The following MIPOL1 variants were observed in gnomAD, a reference collection of about 807,000 sequenced individuals.
MIPOL1 encodes mirror-image polydactyly gene 1 protein.
A neutral mutation model predicts 60.9 loss-of-function variants in MIPOL1; 57 were observed. The observed-to-expected ratio is 0.94, with a 90% CI of 0.76 to 1.17. MIPOL1 has a LOEUF of 1.17. Among genes scored for constraint, MIPOL1 ranks in the 50% most tolerant of loss-of-function variants. The pLI, the probability that MIPOL1 is intolerant of heterozygous loss-of-function variation, is 0.00. For synonymous variants in MIPOL1, 179 were observed against 168.8 expected, an observed-to-expected ratio of 1.06 and a Z score of -0.47; for missense variants, 551 against 511.6, an observed-to-expected ratio of 1.08 and a Z score of -0.74.
chr14:37,222,495 C>CTGCCAGATATCTTAGTGCATTGAGCT (rs1968981704), intron 1 of MIPOL1, among the ~76,000 whole-genome samples: 1 of 151,076 alleles, frequency 6.6e-6, no homozygotes, highest in Non-Finnish European at 1.5e-5. Flanking sequence ...GAAATTTCTT[C>CTGCCAGATATCTTAGTGCATTGAGCT]TGCCAGATAT....
intron 6 of MIPOL1, among the ~76,000 whole-genome samples, chr14:37,282,506 A>G (rs2084196559): frequency 6.6e-6 from 1 of 151,956 alleles, no homozygotes; most frequent in South Asian, 2.1e-4. Flanking sequence ...TTGGTAGGCC[A>G]AGGTGGGAGA....
chr14:37,462,741 T>C (rs1407147024), intron 11 of MIPOL1, among the ~76,000 whole-genome samples: 1 of 152,174 alleles, frequency 6.6e-6, no homozygotes, highest in Non-Finnish European at 1.5e-5. Context: ...AGTCGCTTTA[T>C]TAAAACATAA....
intron 1 of MIPOL1, among the ~76,000 whole-genome samples, chr14:37,244,931 T>A (rs1308836968): frequency 6.6e-6 from 1 of 152,174 alleles, no homozygotes; most frequent in Non-Finnish European, 1.5e-5. Context: ...TTTGAAACAT[T>A]AAAACATCTA....
chr14:37,318,808 T>TTAG (rs1567445419), intron 9 of MIPOL1, among the ~76,000 whole-genome samples: 39 of 83,684 alleles, frequency 4.7e-4, no homozygotes, highest in East Asian at 2.2e-3. Flanking sequence ...TATTTATTTA[T>TTAG]TTATTTATTT....
chr14:37,330,003 A>G (rs1200996085), intron 9 of MIPOL1, among the ~76,000 whole-genome samples: 2 of 136,056 alleles, frequency 1.5e-5, no homozygotes, highest in Non-Finnish European at 3.1e-5. Context: ...AAAACACCAC[A>G]TCCTAGTAGT....
intron 11 of MIPOL1, among the ~76,000 whole-genome samples, chr14:37,491,813 C>T (rs1451709839): frequency 1.3e-5 from 2 of 152,078 alleles, no homozygotes; most frequent in Non-Finnish European, 2.9e-5. Flanking sequence ...TTAAACTAAA[C>T]CAACTGCAGC....
At chr14:37,365,717 C>T (rs2092449217) in intron 9 of MIPOL1, among the ~76,000 whole-genome samples, 2 of 151,966 alleles carry the variant, frequency 1.3e-5, no homozygotes, top group South Asian at 4.2e-4. Context: ...TAATACTGGC[C>T]TTGTAGAATG....
intron 12 of MIPOL1, among the ~76,000 whole-genome samples, chr14:37,534,734 A>G (rs2095498289): frequency 6.6e-6 from 1 of 152,156 alleles, no homozygotes; most frequent in African/African-American, 2.4e-5. Context: ...ATCACTTTCT[A>G]ATGTTGTTAG....
intron 11 of MIPOL1, among the ~76,000 whole-genome samples, chr14:37,485,005 C>G (rs934401416): frequency 2.0e-5 from 3 of 152,118 alleles, no homozygotes; most frequent in Admixed American, 6.6e-5. Flanking sequence ...CCCTCCACCC[C>G]CTGACAAGCC....
chr14:37,296,927 A>C (rs1460482215), intron 7 of MIPOL1, among the ~76,000 whole-genome samples: 2 of 152,222 alleles, frequency 1.3e-5, no homozygotes, highest in East Asian at 3.9e-4. Context: ...TCAATAGAAA[A>C]AGAGGGAATC....
chr14:37,513,970 G>A (rs1449461364), intron 12 of MIPOL1, among the ~76,000 whole-genome samples: 1 of 152,114 alleles, frequency 6.6e-6, no homozygotes. Flanking sequence ...ATTAATGCCA[G>A]TACTACAGTG....
At chr14:37,426,863 T>C (rs1595727506) in intron 11 of MIPOL1, among the ~76,000 whole-genome samples, 1 of 152,018 alleles carries the variant, frequency 6.6e-6, no homozygotes, top group East Asian at 1.9e-4. Context: ...TGGAAGAATG[T>C]TTGGTATCCA....
intron 10 of MIPOL1, among the ~76,000 whole-genome samples, chr14:37,398,039 CT>C (rs2093410399): frequency 6.6e-6 from 1 of 152,162 alleles, no homozygotes; most frequent in Admixed American, 6.5e-5. Context: ...AGATTTCCTT[CT>C]CCCTGTGGTG....
chr14:37,454,567 T>C (rs2094456666), intron 11 of MIPOL1, among the ~76,000 whole-genome samples: 1 of 152,222 alleles, frequency 6.6e-6, no homozygotes, highest in African/African-American at 2.4e-5. Context: ...CCCAAGTTTT[T>C]ACTACAAATC....
At chr14:37,331,470 TAG>T in intron 9 of MIPOL1, among the ~76,000 whole-genome samples, 2 of 152,184 alleles carry the variant, frequency 1.3e-5, no homozygotes, top group South Asian at 4.1e-4. Context: ...GTGTTCATTG[TAG>T]AGACTTTTTA....
intron 10 of MIPOL1, among the ~76,000 whole-genome samples, chr14:37,379,562 T>G (rs2092871122): frequency 6.6e-6 from 1 of 152,044 alleles, no homozygotes; most frequent in African/African-American, 2.4e-5. Context: ...ACAAATCATA[T>G]ATCTGGCAAG....
At chr14:37,341,065 A>G (rs2090535038) in intron 9 of MIPOL1, among the ~76,000 whole-genome samples, 1 of 152,194 alleles carries the variant, frequency 6.6e-6, no homozygotes. Flanking sequence ...AGGCTATACC[A>G]TCTAGGTTTG....
At chr14:37,363,961 T>C (rs1048316854) in intron 9 of MIPOL1, among the ~76,000 whole-genome samples, 1 of 152,196 alleles carries the variant, frequency 6.6e-6, no homozygotes, top group Non-Finnish European at 1.5e-5. Flanking sequence ...GAAAATCTCC[T>C]GGTCTGCTGG....
intron 3 of MIPOL1, among the ~76,000 whole-genome samples, chr14:37,253,155 T>A (rs1321034738): frequency 6.6e-6 from 1 of 151,834 alleles, no homozygotes; most frequent in Non-Finnish European, 1.5e-5. Flanking sequence ...ATTGCCTATA[T>A]TTTAAAGTAG....
Sources: allele counts gnomAD v4.1 joint callset (sites outside exome capture counted in the v4.1 genomes callset), GRCh38; gene constraint gnomAD v4.1.1; transcripts MANE v1.5; gene names NCBI Gene and HGNC (gene_info 2026-07-23, HGNC 2026-07-21).